Variants in ERI1 observed in about 807,000 individuals in gnomAD.
ERI1 encodes the protein exoribonuclease 1, also known as 3'-5' exoribonuclease 1.
ERI1 carries 39 observed loss-of-function variants against 39.7 expected under a neutral mutation model. That is an observed-to-expected ratio of 0.98 (90% CI 0.76 to 1.28). The LOEUF is 1.28. Ranked by LOEUF, ERI1 falls within the 50% of genes most tolerant of loss-of-function variation. The pLI is 0.00. For missense variants in ERI1, 581 were observed against 416.9 expected, an observed-to-expected ratio of 1.39 and a Z score of -3.43; for synonymous variants, 204 against 149.6, an observed-to-expected ratio of 1.36 and a Z score of -2.65.
In ERI1 at chr8:9,060,480, T is replaced by C. The variant is rs113304491; in HGVS notation, n.299+40016T>C. 8.2e-3 allele frequency among the ~76,000 whole-genome samples: 1,245 copies of C among 152,182 alleles called. 19 individuals carry two copies. Among genetic ancestry groups the C allele is most frequent in the African/African-American group, 0.028 (1,177 of 41,500 alleles). ...GAACAATCCCTGAGGGGCAGTAGAATAGCAGATGGAACACTGAGAAGTGAT... is the reference window on the plus strand; with the variant it reads ...GAACAATCCCTGAGGGGCAGTAGAACAGCAGATGGAACACTGAGAAGTGAT... On this transcript the variant is annotated intron_variant and non_coding_transcript_variant, in intron 3 of 3. Transcript: ENST00000518663.
chr8:9,082,169 A>G (rs542480973), intron 3 of ERI1, among the ~76,000 whole-genome samples: 22 of 152,342 alleles, frequency 1.4e-4, no homozygotes, highest in African/African-American at 5.1e-4. Context: ...GAGGTCCACT[A>G]TGAGCCTGGT....
At chr8:9,019,086 A>T (rs1186410508) in intron 5 of ERI1, among the ~76,000 whole-genome samples, 2 of 152,224 alleles carry the variant, frequency 1.3e-5, no homozygotes, top group Non-Finnish European at 2.9e-5. Flanking sequence ...ATAATCTTCC[A>T]TAATGCTTAC....
intron 3 of ERI1, among the ~76,000 whole-genome samples, chr8:9,069,009 G>A (rs1452364363): frequency 6.6e-6 from 1 of 152,122 alleles, no homozygotes; most frequent in Non-Finnish European, 1.5e-5. Flanking sequence ...ATAGAGATGA[G>A]GGCCGCGCTG....
In ERI1 at chr8:9,011,541, G is replaced by A; in HGVS notation, c.288-1G>A. On this transcript the variant is annotated splice_acceptor_variant, in intron 2 of 6. Transcript: ENST00000250263. LOFTEE classifies it high-confidence loss of function. ...GTAACTAGTCTTCTTCTTCTACTTA[G>A]AGGAGTAAAGGATGTTCTAAAGAAG... The A allele has an allele frequency of 6.3e-7, 1 of 1,591,690 alleles. No homozygotes were observed. The highest frequency in any genetic ancestry group is 8.6e-7 in the Non-Finnish European group (1 of 1,167,326).
At chr8:9,021,597 A>G (rs992602497) in intron 6 of ERI1, among the ~76,000 whole-genome samples, 1 of 152,020 alleles carries the variant, frequency 6.6e-6, no homozygotes, top group Non-Finnish European at 1.5e-5. Context: ...ACTTCCACCC[A>G]CTTAACTCCC....
chr8:9,095,772 T>C (rs1225892995), intron 3 of ERI1, among the ~76,000 whole-genome samples: 2 of 152,168 alleles, frequency 1.3e-5, no homozygotes, highest in Non-Finnish European at 2.9e-5. Context: ...CTGCTTGCCT[T>C]GGAATCCCAA....
chr8:9,088,631 G>C (rs1389864399), intron 3 of ERI1: 1 of 152,238 alleles, frequency 6.6e-6, no homozygotes, highest in East Asian at 1.9e-4. Flanking sequence ...AGATGGCGCA[G>C]AGGGGGAGCA....
intron 3 of ERI1, among the ~76,000 whole-genome samples, chr8:9,091,063 T>G (rs1188593411): frequency 6.6e-6 from 1 of 152,244 alleles, no homozygotes; most frequent in Non-Finnish European, 1.5e-5. Context: ...GTCTTTATAT[T>G]AACACATATA....
chr8:9,038,341 G>A (rs983135681), intron 3 of ERI1, among the ~76,000 whole-genome samples: 2 of 152,124 alleles, frequency 1.3e-5, no homozygotes, highest in African/African-American at 4.8e-5. Context: ...TTTGAGAGAG[G>A]GAGACACCAC....
At chr8:9,012,870 A>G (rs989486526) in intron 3 of ERI1, among the ~76,000 whole-genome samples, 7 of 152,022 alleles carry the variant, frequency 4.6e-5, no homozygotes, top group African/African-American at 1.7e-4. Context: ...TTATATGTTT[A>G]TCTCTTTCCT....
chr8:9,039,197 G>T (rs1008502281), intron 3 of ERI1, among the ~76,000 whole-genome samples: 9 of 152,112 alleles, frequency 5.9e-5, no homozygotes, highest in Non-Finnish European at 1.2e-4. Flanking sequence ...TTCATAAAGG[G>T]TTGGGAAAAT....
intron 3 of ERI1, chr8:9,099,709 T>C (rs1464491037): frequency 6.6e-6 from 1 of 152,190 alleles, no homozygotes; most frequent in South Asian, 2.1e-4. Flanking sequence ...CTGTAGAGCA[T>C]TCCATTGTAT....
intron 3 of ERI1, among the ~76,000 whole-genome samples, chr8:9,066,912 G>A (rs1359495962): frequency 2.6e-5 from 4 of 152,122 alleles, no homozygotes; most frequent in Non-Finnish European, 5.9e-5. Flanking sequence ...AGGGGTGGAG[G>A]AAGCACGAAC....
At chr8:9,048,106 A>C (rs1798237871) in intron 3 of ERI1, among the ~76,000 whole-genome samples, 1 of 152,110 alleles carries the variant, frequency 6.6e-6, no homozygotes, top group Admixed American at 6.6e-5. Context: ...GGCCACAACC[A>C]CCTGAGTGAA....
intron 3 of ERI1, among the ~76,000 whole-genome samples, chr8:9,087,290 G>A (rs1396882461): frequency 2.0e-5 from 3 of 151,530 alleles, no homozygotes; most frequent in Non-Finnish European, 4.4e-5. Context: ...CTGTTGCCCA[G>A]TCTGGAGTGT....
chr8:9,086,163 C>G (rs1483618782), intron 3 of ERI1, among the ~76,000 whole-genome samples: 4 of 152,130 alleles, frequency 2.6e-5, no homozygotes, highest in African/African-American at 9.7e-5. Context: ...CCTATAATCC[C>G]AGAACTTTGG....
chr8:9,049,182 A>C (rs1291326249), intron 3 of ERI1, among the ~76,000 whole-genome samples: 2 of 151,554 alleles, frequency 1.3e-5, no homozygotes, highest in African/African-American at 4.8e-5. Flanking sequence ...CTAAAAATAC[A>C]AAAATTTGCC....
At chr8:9,086,385 AC>A (rs1191606792) in intron 3 of ERI1, among the ~76,000 whole-genome samples, 49 of 152,168 alleles carry the variant, frequency 3.2e-4, no homozygotes, top group Non-Finnish European at 5.9e-5. Flanking sequence ...CCCCGTCTCT[AC>A]AAAAAATACA....
At chr8:9,063,103 G>C (rs1264109074) in intron 3 of ERI1, among the ~76,000 whole-genome samples, 1 of 152,194 alleles carries the variant, frequency 6.6e-6, no homozygotes, top group Non-Finnish European at 1.5e-5. Flanking sequence ...CTGTTGTGGG[G>C]TTTGAGGGAC....
Sources: gnomAD v4.1 joint callset for allele counts (sites outside exome capture counted in the v4.1 genomes callset) on GRCh38, gnomAD v4.1.1 for gene constraint, MANE v1.5 for transcripts, NCBI Gene and HGNC (gene_info 2026-07-23, HGNC 2026-07-21) for gene names.